Variants in DUOXA2 observed in about 807,000 individuals in gnomAD.
DUOXA2 encodes the protein dual oxidase maturation factor 2.
In DUOXA2, 22 loss-of-function variants were observed where a neutral mutation model predicts 27.6. The ratio of observed to expected loss-of-function variants is 0.80; its 90% CI spans 0.57 to 1.14. The LOEUF is 1.14. Among genes scored for constraint, DUOXA2 ranks in the 50% most tolerant of loss-of-function variants. The probability of loss-of-function intolerance (pLI) is 0.00; values close to 1 mark genes in which losing one functional copy is unlikely to be tolerated. For synonymous variants in DUOXA2, 188 were observed against 184.4 expected, an observed-to-expected ratio of 1.02 and a Z score of -0.16; for missense variants, 481 against 419.9, an observed-to-expected ratio of 1.15 and a Z score of -1.27.
At chr15:45,116,926 C>T in intron 4 of DUOXA2, 165 bp from the exon 5 acceptor site, 1 of 1,056,006 alleles carries the variant, frequency 9.5e-7, no homozygotes, top group Non-Finnish European at 1.4e-6. Flanking sequence ...CCAGCCACCG[C>T]CTGGACCTCA....
rs940185270 is a variant in DUOXA2, at chr15:45,116,706, A to G, written c.531A>G (p.Gly177=). ...TGTACCACCAGTACCACCTGGCGGG[A>G]CACTACGCCTCGGCCACGCTATGGT... ...CGLYHQYHLA[G]HYASATLWVA... Residue 177 remains glycine, a synonymous_variant, in exon 4 of 6, where the codon GGA becomes GGG. Coordinates refer to ENST00000323030, the MANE Select transcript of DUOXA2 (RefSeq NM_207581.4). 12 of 1,613,428 alleles carry G rather than the reference A, an allele frequency of 7.4e-6. No homozygotes were observed. The highest frequency in any genetic ancestry group is 1.3e-5 in the African/African-American group (1 of 74,920).
chr15:45,115,520 C>T, intron 1 of DUOXA2: 2 of 624,292 alleles, frequency 3.2e-6, no homozygotes, highest in Non-Finnish European at 3.0e-6. Context: ...AGGCGCCAGA[C>T]AGCTAGGGGA....
intron 1 of DUOXA2, 64 bp downstream of exon 1, chr15:45,114,816 G>A: frequency 6.2e-7 from 1 of 1,609,558 alleles, no homozygotes; most frequent in South Asian, 1.1e-5. Context: ...GTCTCCTGAG[G>A]GACCCAGGAC....
At chr15:45,117,676 C>T in intron 5 of DUOXA2, 40 bp from the exon 6 acceptor site, 1 of 1,613,924 alleles carries the variant, frequency 6.2e-7, no homozygotes, top group Non-Finnish European at 8.5e-7. Flanking sequence ...ATAGCCCTGA[C>T]TCCACATGCC....
At chr15:45,115,353 C>G (rs1894576686) in intron 1 of DUOXA2, 2 of 436,842 alleles carry the variant, frequency 4.6e-6, no homozygotes, top group Non-Finnish European at 9.3e-6. Flanking sequence ...TTCCCTGGAA[C>G]TGGTGCACCT....
chr15:45,115,761 G>A, intron 1 of DUOXA2, 38 bp from the exon 2 acceptor site: 1 of 1,613,964 alleles, frequency 6.2e-7, no homozygotes, highest in Non-Finnish European at 8.5e-7. Context: ...CTCTGGTTTG[G>A]CAGGGCTCAG....
chr15:45,115,643 G>C, intron 1 of DUOXA2, 156 bp from the exon 2 acceptor site: 4 of 887,460 alleles, frequency 4.5e-6, no homozygotes, highest in Non-Finnish European at 7.4e-6. Flanking sequence ...TATCAGAAAT[G>C]CCAGTAGCCC....
intron 2 of DUOXA2, 100 bp downstream of exon 2, chr15:45,115,956 C>T: frequency 9.4e-6 from 15 of 1,594,970 alleles, no homozygotes; most frequent in African/African-American, 1.3e-5. Context: ...TTTTCTGCTC[C>T]CTCTTCCCAC....
In DUOXA2 at chr15:45,117,010, G is replaced by C. The variant is rs1894672339; in HGVS notation, c.555-81G>C. The C allele has an allele frequency of 4.0e-6, 6 of 1,486,262 alleles. No individual in the cohort carries two copies. In the Admixed American group the frequency reaches 7.5e-5, roughly 19 times the overall value. The allele number at this position is 1,486,262 out of a possible 1,614,324, so 92.1% of individuals were successfully genotyped here. A position where few individuals can be genotyped will look rare whatever the true frequency, so the allele number is the denominator to read the frequency against. On this transcript the variant is annotated intron_variant, in intron 4 of 5. Transcript: ENST00000323030. ...GTCCCTGGCTTTGACGCTGGGGTAGGGATAAAGAAGAGCGCAGCTGTGGGA... is the reference window on the plus strand; with the variant it reads ...GTCCCTGGCTTTGACGCTGGGGTAGCGATAAAGAAGAGCGCAGCTGTGGGA...
In DUOXA2 at chr15:45,117,764, T is replaced by C; in HGVS notation, c.818T>C (p.Val273Ala). 1.2e-6 allele frequency: 2 copies of C among 1,613,846 alleles called. No individual in the cohort carries two copies. The highest frequency in any genetic ancestry group is 1.7e-6 in the Non-Finnish European group (2 of 1,179,910). ...LGGAVVSLQY[V>A]RPSALRTLLD... ...GGGGCCGTGGTGAGTCTCCAGTATG[T>C]TCGGCCCAGCGCTCTTCGCACCCTT... Residue 273 changes from valine to alanine, a missense_variant, in exon 6 of 6, where the codon GTT (valine) becomes GCT (alanine). Transcript: ENST00000323030.
At position 45,117,738 on chromosome 15, in the gene DUOXA2, AGG is replaced by A; in HGVS notation, c.795_796del (p.Ala266ArgfsTer53). 6.2e-7 allele frequency: 1 copy of A among 1,612,860 alleles called. No individual in the cohort carries two copies. The highest frequency in any genetic ancestry group is 1.1e-5 in the South Asian group (1 of 91,044). ...ATGVLCLFLGGAVVSLQYVRP... is the reference protein window; with the variant it reads ...ATGVLCLFLGXAVVSLQYVRP... ...CAGGCGTCCTGTGCCTCTTCCTCGG[AGG>A]GGCCGTGGTGAGTCTCCAGTATGTT... On this transcript the variant is annotated frameshift_variant, in exon 6 of 6. Transcript: ENST00000323030. LOFTEE classifies it low-confidence loss of function (END_TRUNC).
rs1894548445 is a variant in DUOXA2, at chr15:45,114,445, C to T, written c.-161C>T. 1 of 940,212 alleles carries T rather than the reference C, an allele frequency of 1.1e-6. No individual in the cohort carries two copies. Among genetic ancestry groups the T allele is most frequent in the Non-Finnish European group, 1.6e-6 (1 of 621,284 alleles). 58.2% of individuals were successfully genotyped at this position (940,212 alleles called of 1,614,324 possible). On this transcript the variant is annotated 5_prime_UTR_variant, in exon 1 of 6. The change creates a new upstream start codon in the 5' untranslated region. Transcript: ENST00000323030. ...GAGCGTTGAGAGCAGCCCACCTCCACGCTTCCTTAACGGAGAGGTGCAGGA... is the reference window on the plus strand; with the variant it reads ...GAGCGTTGAGAGCAGCCCACCTCCATGCTTCCTTAACGGAGAGGTGCAGGA...
chr15:45,116,951 C>T, intron 4 of DUOXA2, 140 bp from the exon 5 acceptor site: 1 of 1,157,202 alleles, frequency 8.6e-7, no homozygotes, highest in Non-Finnish European at 1.2e-6. Context: ...CCCGCTTCTC[C>T]CCCGGGGAAT....
intron 1 of DUOXA2, 53 bp from the exon 2 acceptor site, chr15:45,115,746 G>C: frequency 6.2e-7 from 1 of 1,611,580 alleles, no homozygotes; most frequent in Admixed American, 1.7e-5. Context: ...GGGTGGTCTT[G>C]GGGACTCTGG....
intron 1 of DUOXA2, chr15:45,115,572 G>A (rs996115198): frequency 1.5e-6 from 1 of 688,646 alleles, no homozygotes; most frequent in South Asian, 1.5e-5. Flanking sequence ...GGGTGGAGGG[G>A]AGGTGCTGTT....
intron 1 of DUOXA2, chr15:45,115,496 G>A (rs1595532434): frequency 1.7e-6 from 1 of 583,540 alleles, no homozygotes; most frequent in Non-Finnish European, 3.2e-6. Context: ...GGACCAGGAG[G>A]CAGAACCAGG....
At position 45,117,907 on chromosome 15, in the gene DUOXA2, T is replaced by C. The variant is rs761852369; in HGVS notation, c.961T>C (p.Ter321ArgextTer71). 1 of 1,613,284 alleles carries C rather than the reference T, an allele frequency of 6.2e-7. No homozygotes were observed. Among genetic ancestry groups the C allele is most frequent in the African/African-American group, 1.3e-5 (1 of 75,048 alleles). Residue 321 changes from the stop codon to arginine, a stop_lost, in exon 6 of 6, where the codon TGA becomes CGA. Transcript: ENST00000323030. The stretch of plus-strand genomic sequence containing the variant: ...CTTAAAATGTATCACCACTAACCTG[T>C]GAGGGGGACCCAATCTGGACTCCTT... ...PDLKCITTNL[*>R]
intron 4 of DUOXA2, 21 bp from the exon 5 acceptor site, chr15:45,117,070 G>A: frequency 6.3e-7 from 1 of 1,596,466 alleles, no homozygotes; most frequent in Admixed American, 1.7e-5. Context: ...GCTCACAGCG[G>A]GTCCCCCCAC....
chr15:45,114,988 T>G (rs1410291640), intron 1 of DUOXA2, among the ~76,000 whole-genome samples: 1 of 152,188 alleles, frequency 6.6e-6, no homozygotes, highest in Non-Finnish European at 1.5e-5. Flanking sequence ...GGAAGGCTGC[T>G]GCAGAGAATG....
Sources: allele counts gnomAD v4.1 joint callset (sites outside exome capture counted in the v4.1 genomes callset), GRCh38; gene constraint gnomAD v4.1.1; transcripts MANE v1.5; gene names NCBI Gene and HGNC (gene_info 2026-07-23, HGNC 2026-07-21).